The following SLC9B1 variants were observed in gnomAD, a reference collection of about 807,000 sequenced individuals.
The protein encoded by SLC9B1 is sodium/hydrogen exchanger 9B1.
SLC9B1 carries 32 observed loss-of-function variants against 51.7 expected under a neutral mutation model. That is an observed-to-expected ratio of 0.62 (90% CI 0.47 to 0.83). The LOEUF is 0.83. Ranked by LOEUF, SLC9B1 falls within the 40% of genes least tolerant of loss-of-function variation. The probability of loss-of-function intolerance (pLI) is 0.00; values close to 1 mark genes in which losing one functional copy is unlikely to be tolerated. For missense variants in SLC9B1, 406 were observed against 613.2 expected, an observed-to-expected ratio of 0.66 and a Z score of 3.57; for synonymous variants, 145 against 212.7, an observed-to-expected ratio of 0.68 and a Z score of 2.77.
intron 11 of SLC9B1, among the ~76,000 whole-genome samples, chr4:102,905,129 G>C (rs1734965863): frequency 6.6e-6 from 1 of 152,058 alleles, no homozygotes; most frequent in East Asian, 1.9e-4. Context: ...ACTCCAGTCT[G>C]GGTGACAGAG....
intron 3 of SLC9B1, among the ~76,000 whole-genome samples, chr4:102,969,686 T>A (rs1338966083): frequency 1.3e-5 from 2 of 151,970 alleles, no homozygotes; most frequent in Non-Finnish European, 2.9e-5. Context: ...ATAACAAACT[T>A]CTCCGAGCCA....
At chr4:102,929,807 C>T (rs1406450530) in intron 7 of SLC9B1, among the ~76,000 whole-genome samples, 1 of 152,206 alleles carries the variant, frequency 6.6e-6, no homozygotes, top group Non-Finnish European at 1.5e-5. Context: ...TAGGCGTGAG[C>T]CATTGGGCCC....
At chr4:102,925,177 T>C (rs1038925644) in intron 7 of SLC9B1, among the ~76,000 whole-genome samples, 6 of 152,130 alleles carry the variant, frequency 3.9e-5, no homozygotes, top group Non-Finnish European at 8.8e-5. Context: ...AATGATAGAC[T>C]GGATTAAGAA....
chr4:102,986,566 T>C (rs1739635942), intron 3 of SLC9B1, among the ~76,000 whole-genome samples: 1 of 152,216 alleles, frequency 6.6e-6, no homozygotes, highest in Non-Finnish European at 1.5e-5. Context: ...TGTCTTCTAT[T>C]CCTTTCTGTC....
chr4:103,010,832 A>C (rs980778762), intron 1 of SLC9B1, among the ~76,000 whole-genome samples: 6 of 152,200 alleles, frequency 3.9e-5, no homozygotes, highest in African/African-American at 1.4e-4. Context: ...AGCTCTTAAT[A>C]CTGTTGCATT....
chr4:102,893,281 CAAAAAAAA>C (rs58316456), intron 11 of SLC9B1, among the ~76,000 whole-genome samples: 12 of 35,162 alleles, frequency 3.4e-4, no homozygotes, highest in African/African-American at 9.4e-4. Flanking sequence ...GACTCCATCT[CAAAAAAAA>C]AAAAAAAAAA....
downstream of SLC9B1, among the ~76,000 whole-genome samples, chr4:102,899,667 C>T (rs1734701264): frequency 6.6e-6 from 1 of 152,104 alleles, no homozygotes; most frequent in Non-Finnish European, 1.5e-5. Context: ...CCATGTCGGC[C>T]TCCCAAAGTG....
At chr4:102,945,139 A>C (rs1025280855) in intron 6 of SLC9B1, 54 bp downstream of exon 6, 13 of 1,474,178 alleles carry the variant, frequency 8.8e-6, no homozygotes, top group Non-Finnish European at 1.2e-5. Flanking sequence ...TAACAGTTTT[A>C]ATGAAGCATC....
chr4:103,012,396 G>A (rs1357234908), intron 1 of SLC9B1, among the ~76,000 whole-genome samples: 1 of 152,162 alleles, frequency 6.6e-6, no homozygotes, highest in East Asian at 1.9e-4. Context: ...CCAGCCTTCT[G>A]ATCATGATTA....
intron 7 of SLC9B1, among the ~76,000 whole-genome samples, chr4:102,914,479 T>C (rs1406388173): frequency 1.3e-5 from 2 of 152,074 alleles, no homozygotes; most frequent in African/African-American, 2.4e-5. Flanking sequence ...AGTCAAACCA[T>C]GAACTGAATA....
chr4:102,957,862 TAAC>T (rs1737890192), intron 3 of SLC9B1, among the ~76,000 whole-genome samples: 1 of 152,276 alleles, frequency 6.6e-6, no homozygotes, highest in Admixed American at 6.5e-5. Flanking sequence ...GCAATAACTA[TAAC>T]AATACTGCTG....
chr4:103,004,757 C>T (rs1740695140), intron 1 of SLC9B1, among the ~76,000 whole-genome samples: 1 of 152,058 alleles, frequency 6.6e-6, no homozygotes. Flanking sequence ...CTCTACAAGC[C>T]AGAAAAGATT....
At chr4:102,982,504 A>G (rs1041243935) in intron 3 of SLC9B1, among the ~76,000 whole-genome samples, 16 of 152,170 alleles carry the variant, frequency 1.1e-4, no homozygotes, top group African/African-American at 3.9e-4. Context: ...ACATCTGACA[A>G]TACTAGTCTT....
chr4:102,930,422 T>G (rs913421857), intron 7 of SLC9B1, among the ~76,000 whole-genome samples: 4 of 152,038 alleles, frequency 2.6e-5, no homozygotes, highest in African/African-American at 9.7e-5. Flanking sequence ...TTTTTTAAAT[T>G]AAAAAAAAAT....
chr4:102,980,982 C>A (rs1457570698), intron 3 of SLC9B1, among the ~76,000 whole-genome samples: 2 of 152,066 alleles, frequency 1.3e-5, no homozygotes, highest in Non-Finnish European at 2.9e-5. Context: ...CCTAAAAATC[C>A]TCTGGGCTCT....
intron 1 of SLC9B1, among the ~76,000 whole-genome samples, chr4:103,014,712 A>C (rs1741234537): frequency 6.6e-6 from 1 of 152,222 alleles, no homozygotes; most frequent in South Asian, 2.1e-4. Context: ...TTGCATTGTA[A>C]GAGGCCACCA....
chr4:102,947,374 T>C (rs1344908070), intron 4 of SLC9B1, among the ~76,000 whole-genome samples: 1 of 152,244 alleles, frequency 6.6e-6, no homozygotes, highest in African/African-American at 2.4e-5. Flanking sequence ...GACAGTGTAC[T>C]GAATATATAT....
chr4:102,997,890 C>T (rs142267057), intron 1 of SLC9B1, among the ~76,000 whole-genome samples: 16 of 152,124 alleles, frequency 1.1e-4, no homozygotes, highest in African/African-American at 3.9e-4. Flanking sequence ...ATTCTGGCTC[C>T]CATAGTTTCT....
At chr4:102,997,155 A>G (rs1578409918) in intron 1 of SLC9B1, among the ~76,000 whole-genome samples, 1 of 152,056 alleles carries the variant, frequency 6.6e-6, no homozygotes, top group South Asian at 2.1e-4. Flanking sequence ...TCAGAATTGG[A>G]TTGACTTTTT....
Sources: allele counts gnomAD v4.1 joint callset (sites outside exome capture counted in the v4.1 genomes callset), GRCh38; gene constraint gnomAD v4.1.1; transcripts MANE v1.5; gene names NCBI Gene and HGNC (gene_info 2026-07-23, HGNC 2026-07-21).